LDAH: variants seen among roughly 807,000 people sequenced by gnomAD.
LDAH encodes lipid droplet associated hydrolase.
A neutral mutation model predicts 29.6 loss-of-function variants in LDAH; 26 were observed. That is an observed-to-expected ratio of 0.88 (90% CI 0.64 to 1.22). The LOEUF is 1.22. Among genes scored for constraint, LDAH ranks in the 50% most tolerant of loss-of-function variants. The probability of loss-of-function intolerance (pLI) is 0.00; values close to 1 mark genes in which losing one functional copy is unlikely to be tolerated. For missense variants in LDAH, 344 were observed against 387.3 expected, an observed-to-expected ratio of 0.89 and a Z score of 0.94; for synonymous variants, 117 against 133.0, an observed-to-expected ratio of 0.88 and a Z score of 0.83.
rs1663960944 is a variant in LDAH, at chr2:20,701,791, G to A, written c.704-139C>T. The A allele has an allele frequency of 8.7e-6, 6 of 691,148 alleles. No individual in the cohort carries two copies. The South Asian group carries it at 1.0e-4, about 12-fold the overall frequency. 42.8% of individuals were successfully genotyped at this position (691,148 alleles called of 1,614,324 possible). A position where few individuals can be genotyped will look rare whatever the true frequency, so the allele number is the denominator to read the frequency against. On this transcript the variant is annotated intron_variant, in intron 5 of 6. Transcript: ENST00000237822. ...GAGAGATACTGGTGAGGCCAACAGA[G>A]GAATGTGAGTCAGGCAACATGCACA...
chr2:20,820,232 A>T (rs1409462712), intron 1 of LDAH, among the ~76,000 whole-genome samples: 3 of 152,072 alleles, frequency 2.0e-5, no homozygotes, highest in African/African-American at 7.3e-5. Context: ...TCAAGCTACC[A>T]ATGACTTTCT....
intron 5 of LDAH, among the ~76,000 whole-genome samples, chr2:20,714,199 A>G (rs1664985619): frequency 6.6e-6 from 1 of 152,242 alleles, no homozygotes; most frequent in Non-Finnish European, 1.5e-5. Flanking sequence ...CCACAGTGCA[A>G]TCAAATTAGA....
At chr2:20,787,349 A>G (rs1670628524) in intron 3 of LDAH, among the ~76,000 whole-genome samples, 1 of 151,370 alleles carries the variant, frequency 6.6e-6, no homozygotes, top group African/African-American at 2.4e-5. Context: ...GCTGGAGTGC[A>G]GTGGCACAAT....
At chr2:20,717,900 C>T (rs1042648773) in intron 5 of LDAH, among the ~76,000 whole-genome samples, 2 of 152,180 alleles carry the variant, frequency 1.3e-5, no homozygotes, top group Non-Finnish European at 2.9e-5. Context: ...GATCTTCCCA[C>T]GTTAGCCTTC....
At chr2:20,792,155 A>C (rs367568928) in intron 2 of LDAH, among the ~76,000 whole-genome samples, 1 of 152,160 alleles carries the variant, frequency 6.6e-6, no homozygotes, top group East Asian at 1.9e-4. Context: ...TTACTTTACA[A>C]AAATTTTATA....
chr2:20,771,570 C>T (rs573228403), intron 4 of LDAH, among the ~76,000 whole-genome samples: 1 of 152,330 alleles, frequency 6.6e-6, no homozygotes, highest in African/African-American at 2.4e-5. Flanking sequence ...CCCAGAGACA[C>T]TGAAATTTCA....
chr2:20,745,610 C>T (rs948265785), intron 4 of LDAH, among the ~76,000 whole-genome samples: 1 of 151,962 alleles, frequency 6.6e-6, no homozygotes, highest in Non-Finnish European at 1.5e-5. Context: ...TGCTTATTTC[C>T]AAACATCATA....
chr2:20,717,550 C>T (rs192058223), intron 5 of LDAH, among the ~76,000 whole-genome samples: 1 of 152,278 alleles, frequency 6.6e-6, no homozygotes. Context: ...TGCTGGAGTG[C>T]CAAATGGACT....
In LDAH at chr2:20,775,131, C is replaced by G; in HGVS notation, c.299-152G>C. 2 of 664,420 alleles carry G rather than the reference C, an allele frequency of 3.0e-6. 1 individual carries two copies. Among genetic ancestry groups the G allele is most frequent in the Non-Finnish European group, 5.0e-6 (2 of 401,034 alleles). The allele number at this position is 664,420 out of a possible 1,614,324, so 41.2% of individuals were successfully genotyped here. On this transcript the variant is annotated intron_variant, in intron 3 of 6. Transcript: ENST00000237822. Reference sequence around the variant, plus strand: ...TAATATTAGGCATTCATTATATTAACTAATTTTCACAACAATTTTGGGAAG... The same window carrying G: ...TAATATTAGGCATTCATTATATTAAGTAATTTTCACAACAATTTTGGGAAG...
chr2:20,764,460 T>C (rs566468470), intron 4 of LDAH, among the ~76,000 whole-genome samples: 64 of 152,338 alleles, frequency 4.2e-4, no homozygotes, highest in African/African-American at 1.5e-3. Context: ...GTCCTTCTGT[T>C]CCCAGCTCAA....
intron 5 of LDAH, among the ~76,000 whole-genome samples, chr2:20,708,924 A>G (rs1664502086): frequency 6.6e-6 from 1 of 152,236 alleles, no homozygotes; most frequent in Non-Finnish European, 1.5e-5. Flanking sequence ...TGTCTGATAA[A>G]GATCTCTAGC....
intron 5 of LDAH, among the ~76,000 whole-genome samples, chr2:20,727,802 A>G (rs886602885): frequency 2.6e-5 from 4 of 152,218 alleles, no homozygotes; most frequent in African/African-American, 9.6e-5. Flanking sequence ...AAAAATCCAT[A>G]TATGTTCTTT....
intron 5 of LDAH, among the ~76,000 whole-genome samples, chr2:20,730,971 C>A (rs113028843): frequency 0.025 from 3,750 of 152,312 alleles, 166 homozygotes; most frequent in African/African-American, 0.086. Flanking sequence ...TGCAACCAGA[C>A]AGACTCACTC....
downstream of LDAH, among the ~76,000 whole-genome samples, chr2:20,682,603 A>AAGGGCAAGAGAGCATGAG (rs1392737667): frequency 6.6e-6 from 1 of 152,226 alleles, no homozygotes; most frequent in Non-Finnish European, 1.5e-5. Context: ...CAAAAGGTGG[A>AAGGGCAAGAGAGCATGAG]AGGGCAAGAG....
intron 5 of LDAH, among the ~76,000 whole-genome samples, chr2:20,738,110 G>C (rs1210197804): frequency 6.6e-6 from 1 of 151,694 alleles, no homozygotes; most frequent in African/African-American, 2.4e-5. Context: ...AAATTAGCTG[G>C]TCACAGTGGT....
chr2:20,796,827 T>G (rs920011992), intron 2 of LDAH, among the ~76,000 whole-genome samples: 1 of 152,132 alleles, frequency 6.6e-6, no homozygotes, highest in Non-Finnish European at 1.5e-5. Flanking sequence ...TTTCATGAGC[T>G]GGAAATGATT....
intron 4 of LDAH, among the ~76,000 whole-genome samples, chr2:20,769,358 G>C (rs1186560969): frequency 6.6e-6 from 1 of 152,032 alleles, no homozygotes; most frequent in African/African-American, 2.4e-5. Flanking sequence ...TTGAATCTAG[G>C]GATAGGATTC....
intron 4 of LDAH, among the ~76,000 whole-genome samples, chr2:20,754,818 G>A (rs1368840933): frequency 6.6e-6 from 1 of 152,146 alleles, no homozygotes; most frequent in Non-Finnish European, 1.5e-5. Context: ...GAATATGCTT[G>A]AGATGTTTCA....
intron 4 of LDAH, among the ~76,000 whole-genome samples, chr2:20,748,062 C>A (rs1667700014): frequency 6.6e-6 from 1 of 152,116 alleles, no homozygotes; most frequent in African/African-American, 2.4e-5. Flanking sequence ...ATGGGCTAAT[C>A]TTTACAAGTG....
Sources: gnomAD v4.1 joint callset for allele counts (sites outside exome capture counted in the v4.1 genomes callset) on GRCh38, gnomAD v4.1.1 for gene constraint, MANE v1.5 for transcripts, NCBI Gene and HGNC (gene_info 2026-07-23, HGNC 2026-07-21) for gene names.